CROT: variants seen among roughly 807,000 people sequenced by gnomAD.
The protein encoded by CROT is carnitine O-octanoyltransferase.
Under a neutral mutation model 89.2 loss-of-function variants are expected in CROT, and 84 were observed. The observed-to-expected ratio is 0.94, with a 90% CI of 0.79 to 1.13. The LOEUF (loss-of-function observed/expected upper bound fraction) is 1.13. CROT is among the 50% of genes most tolerant of loss of function. CROT has a pLI of 0.00. For synonymous variants in CROT, 212 were observed against 239.5 expected, an observed-to-expected ratio of 0.89 and a Z score of 1.06; for missense variants, 711 against 727.8, an observed-to-expected ratio of 0.98 and a Z score of 0.27.
rs1347751245 is a variant in CROT at position 87,359,742 on chromosome 7, G to A, written c.240+412G>A. 5.0e-6 allele frequency: 5 copies of A among 999,092 alleles called. No homozygotes were observed. The African/African-American group carries it at 7.0e-5, about 14-fold the overall frequency. 61.9% of individuals were successfully genotyped at this position (999,092 alleles called of 1,614,324 possible). ...ATTTTCGTAGTACAATGGAGAAAGG[G>A]AATCATTAAAAATCAGAGTGGAGAA... On this transcript the variant is annotated intron_variant, in intron 4 of 17. Transcript: ENST00000331536.
At chr7:87,355,743 A>C (rs1395893007) in intron 3 of CROT, among the ~76,000 whole-genome samples, 2 of 152,154 alleles carry the variant, frequency 1.3e-5, no homozygotes, top group African/African-American at 4.8e-5. Context: ...TAGGTTATCC[A>C]ACTCTGGGTG....
At chr7:87,378,432 G>A (rs1055330071) in intron 10 of CROT, among the ~76,000 whole-genome samples, 8 of 151,900 alleles carry the variant, frequency 5.3e-5, no homozygotes, top group East Asian at 1.9e-4. Flanking sequence ...TAGCGTTAGC[G>A]TAAGAAGATA....
chr7:87,395,337 G>A (rs1180131844), intron 17 of CROT, among the ~76,000 whole-genome samples: 4 of 152,126 alleles, frequency 2.6e-5, no homozygotes, highest in Non-Finnish European at 5.9e-5. Flanking sequence ...CCAGATTAAC[G>A]GTGGGTCTGA....
chr7:87,354,416 G>C (rs1303558776), intron 3 of CROT: 3 of 518,140 alleles, frequency 5.8e-6, no homozygotes, highest in Non-Finnish European at 1.2e-5. Context: ...CCTAGGAAGA[G>C]TATATTCAAG....
intron 6 of CROT, among the ~76,000 whole-genome samples, chr7:87,366,075 C>G (rs1806437070): frequency 6.6e-6 from 1 of 152,130 alleles, no homozygotes; most frequent in South Asian, 2.1e-4. Flanking sequence ...TCCAAATTTC[C>G]CATTGCTCTG....
Position 87,391,707 on chromosome 7 carries a change from G to C in CROT, c.1420G>C (p.Val474Leu), listed in dbSNP as rs7785206. 122,322 of 1,604,652 alleles carry C rather than the reference G, an allele frequency of 0.076. 5,283 individuals are homozygous for C. Among genetic ancestry groups the C allele is most frequent in the South Asian group, 0.15 (13,754 of 88,928 alleles). The change falls in exon 14 of 18, where the codon GTC becomes CTC. Residue 474 changes from valine to leucine, a missense_variant. Physicochemically the swap from Val to Leu is conservative, Grantham distance 32 (BLOSUM62 1). Transcript: ENST00000331536. The part of the protein sequence containing the change: ...RWCQSMQDPS[V>L]NLRERQQKML... ...GTGCCAGTCCATGCAGGATCCTTCT[G>C]TCAATGTGAGTATTGGAAAGGAAAA...
chr7:87,350,733 T>C (rs1002657273), intron 3 of CROT, among the ~76,000 whole-genome samples: 14 of 152,102 alleles, frequency 9.2e-5, no homozygotes, highest in Admixed American at 2.6e-4. Context: ...TCCACTTTGA[T>C]TAGTTAAGAC....
intron 7 of CROT, among the ~76,000 whole-genome samples, chr7:87,370,030 A>T (rs1025255114): frequency 2.6e-5 from 4 of 151,834 alleles, no homozygotes; most frequent in Non-Finnish European, 4.4e-5. Context: ...TTTCAACTAT[A>T]CCTCTTTTAC....
chr7:87,354,787 G>C (rs1806005712), intron 3 of CROT, among the ~76,000 whole-genome samples: 1 of 152,198 alleles, frequency 6.6e-6, no homozygotes, highest in Non-Finnish European at 1.5e-5. Flanking sequence ...ATTTTATTAA[G>C]AGCAGATTAA....
At position 87,359,286 on chromosome 7, in the gene CROT, T is replaced by C. The variant is rs1386941697; in HGVS notation, c.196T>C (p.Leu66=). 5 of 1,600,728 alleles carry C rather than the reference T, an allele frequency of 3.1e-6. No homozygotes were observed. The highest frequency in any genetic ancestry group is 4.3e-6 in the Non-Finnish European group (5 of 1,169,736). Residue 66 remains leucine, a synonymous_variant, in exon 4 of 18, where the codon TTG becomes CTG. Coordinates refer to ENST00000331536, the MANE Select transcript of CROT (RefSeq NM_021151.4). ...QKFQSGIGEK[L]HQKLLERAKG... ...ATTTCAAAGTGGGATTGGAGAAAAA[T>C]TGCACCAGAAATTGCTTGAAAGAGC...
chr7:87,361,599 G>T (rs1003965495), intron 5 of CROT, 28 bp downstream of exon 5: 1 of 1,561,892 alleles, frequency 6.4e-7, no homozygotes, highest in African/African-American at 1.4e-5. Context: ...TTTAGTGACA[G>T]GCTTACCTGA....
chr7:87,369,613 A>C (rs994754526), intron 7 of CROT, 129 bp downstream of exon 7: 39 of 346,886 alleles, frequency 1.1e-4, no homozygotes, highest in African/African-American at 9.3e-4. Flanking sequence ...TGCTTTTTTA[A>C]AAAAAAATCT....
At chr7:87,374,148 A>G (rs1004500148) in intron 7 of CROT, among the ~76,000 whole-genome samples, 2 of 152,230 alleles carry the variant, frequency 1.3e-5, no homozygotes, top group East Asian at 3.9e-4. Context: ...TATTTTTAAT[A>G]CAAATCTTTG....
At chr7:87,355,513 T>G (rs1313720625) in intron 3 of CROT, among the ~76,000 whole-genome samples, 2 of 152,204 alleles carry the variant, frequency 1.3e-5, no homozygotes, top group African/African-American at 2.4e-5. Context: ...ATAAAATTAT[T>G]ATTATTTTTC....
chr7:87,393,879 A>T (rs1608949), intron 17 of CROT, among the ~76,000 whole-genome samples: 107,480 of 152,062 alleles, frequency 0.71, 39,889 homozygotes, highest in Middle Eastern at 0.83. Context: ...AATAAATGAG[A>T]AAATTTTTTG....
intron 7 of CROT, 46 bp from the exon 8 acceptor site, chr7:87,375,586 C>A: frequency 1.4e-6 from 2 of 1,443,304 alleles, no homozygotes; most frequent in Non-Finnish European, 1.9e-6. Context: ...AAAGTAGTTA[C>A]TTTCTGCCTG....
intron 7 of CROT, among the ~76,000 whole-genome samples, chr7:87,372,202 T>C (rs958600186): frequency 1.3e-5 from 2 of 152,218 alleles, no homozygotes; most frequent in Non-Finnish European, 2.9e-5. Context: ...TTTATCCTTA[T>C]TGATTTATAG....
rs140598572 is a variant in CROT, at chr7:87,387,311, T to C, written c.1302-4278T>C. On this transcript the variant is annotated intron_variant, in intron 13 of 17. Transcript: ENST00000331536. ...GTCTTTAAATATGTTATTTAGATAATTAAATTCAGTATAATTATCAGTAAA... is the reference window on the plus strand; with the variant it reads ...GTCTTTAAATATGTTATTTAGATAACTAAATTCAGTATAATTATCAGTAAA... 7.5e-3 allele frequency among the ~76,000 whole-genome samples: 1,138 copies of C among 152,226 alleles called. 15 individuals are homozygous for C. Among genetic ancestry groups the C allele is most frequent in the African/African-American group, 0.025 (1,021 of 41,548 alleles).
At chr7:87,381,737 C>G (rs968362994) in intron 10 of CROT, among the ~76,000 whole-genome samples, 173 bp from the exon 11 acceptor site, 1 of 152,130 alleles carries the variant, frequency 6.6e-6, no homozygotes, top group African/African-American at 2.4e-5. Flanking sequence ...TAAAATATAG[C>G]AGTTACTGAA....
Sources: allele counts gnomAD v4.1 joint callset (sites outside exome capture counted in the v4.1 genomes callset), GRCh38; gene constraint gnomAD v4.1.1; transcripts MANE v1.5; gene names NCBI Gene and HGNC (gene_info 2026-07-23, HGNC 2026-07-21).